EBF1: variants seen among roughly 807,000 people sequenced by gnomAD.
EBF1 encodes the protein EBF transcription factor 1, also known as transcription factor COE1.
Under a neutral mutation model 68.4 loss-of-function variants are expected in EBF1, and 10 were observed. The observed-to-expected ratio is 0.15, with a 90% CI of 0.09 to 0.25. EBF1 has a LOEUF of 0.25. Among genes scored for constraint, EBF1 ranks in the 10% least tolerant of loss-of-function variants. EBF1 has a pLI of 1.00. For synonymous variants in EBF1, 298 were observed against 299.8 expected (o/e 0.99, Z 0.06); for missense variants, 509 against 794.4 (o/e 0.64, Z 4.32).
At chr5:158,983,699 G>C (rs950388366) in intron 6 of EBF1, 4 of 152,180 alleles carry the variant, frequency 2.6e-5, no homozygotes, top group Non-Finnish European at 4.4e-5. Context: ...TATGAAGCAA[G>C]TGTTTCAATT....
At chr5:158,749,850 G>A (rs1359347770) in intron 10 of EBF1, among the ~76,000 whole-genome samples, 1 of 152,038 alleles carries the variant, frequency 6.6e-6, no homozygotes, top group Non-Finnish European at 1.5e-5. Flanking sequence ...AGAGGTCTGG[G>A]CAAGGTAAAC....
chr5:158,961,626 A>G (rs990756218), intron 6 of EBF1, among the ~76,000 whole-genome samples: 2 of 152,212 alleles, frequency 1.3e-5, no homozygotes, highest in African/African-American at 4.8e-5. Flanking sequence ...GATTTTTCCA[A>G]ATTTTTGGAT....
At chr5:158,916,724 A>G (rs1029930250) in intron 6 of EBF1, among the ~76,000 whole-genome samples, 5 of 152,174 alleles carry the variant, frequency 3.3e-5, no homozygotes, top group African/African-American at 1.2e-4. Context: ...GTGTGCTTCA[A>G]TGCTGGCCAA....
chr5:158,887,845 G>C (rs1026097354), intron 6 of EBF1, among the ~76,000 whole-genome samples: 6 of 152,206 alleles, frequency 3.9e-5, no homozygotes, highest in Admixed American at 3.9e-4. Flanking sequence ...TCATGTTTAT[G>C]ATTCAAAGAG....
chr5:159,018,436 G>T (rs1766034130), intron 6 of EBF1, among the ~76,000 whole-genome samples: 1 of 152,176 alleles, frequency 6.6e-6, no homozygotes, highest in African/African-American at 2.4e-5. Context: ...TATATACAAA[G>T]GTCTGATCAC....
intron 7 of EBF1, among the ~76,000 whole-genome samples, chr5:158,826,406 A>G (rs970420715): frequency 4.4e-4 from 67 of 152,354 alleles, no homozygotes; most frequent in African/African-American, 1.6e-3. Context: ...TCATAGCCAT[A>G]GGCGACTATT....
At chr5:159,067,196 T>C (rs1457088314) in intron 6 of EBF1, among the ~76,000 whole-genome samples, 1 of 152,206 alleles carries the variant, frequency 6.6e-6, no homozygotes, top group Non-Finnish European at 1.5e-5. Context: ...AGTAAAAGCA[T>C]GTTTAATATA....
chr5:158,972,671 T>C (rs1037867506), intron 6 of EBF1, among the ~76,000 whole-genome samples: 2 of 152,198 alleles, frequency 1.3e-5, no homozygotes, highest in Non-Finnish European at 2.9e-5. Flanking sequence ...CTTCTTCTCA[T>C]CTATTTGTCC....
At chr5:159,082,803 C>T (rs1344249097) in intron 5 of EBF1, among the ~76,000 whole-genome samples, 1 of 152,170 alleles carries the variant, frequency 6.6e-6, no homozygotes, top group Non-Finnish European at 1.5e-5. Flanking sequence ...TCCCTCTTAG[C>T]CACGCAGTAC....
intron 6 of EBF1, among the ~76,000 whole-genome samples, chr5:158,950,595 G>A (rs879489783): frequency 6.6e-6 from 1 of 152,202 alleles, no homozygotes. Context: ...GCCCCGTTCT[G>A]AGGACCATGC....
intron 8 of EBF1, among the ~76,000 whole-genome samples, chr5:158,818,798 T>C (rs187703963): frequency 1.5e-4 from 23 of 152,196 alleles, no homozygotes; most frequent in Admixed American, 1.4e-3. Flanking sequence ...CTATCTTCAA[T>C]CTAAAAAAAT....
Position 158,712,998 on chromosome 5 carries a change from G to A in EBF1, c.1341C>T (p.Val447=). The change falls in exon 13 of 16, where the codon GTC becomes GTT. Residue 447 remains valine, a synonymous_variant. Coordinates refer to ENST00000313708, the MANE Select transcript of EBF1 (RefSeq NM_024007.5). ...GATTGGTGGCTTGTGATGCCTCGGAGACATTCACGGCCAGTTGTCCACTGA... is the reference window on the plus strand; with the variant it reads ...GATTGGTGGCTTGTGATGCCTCGGAAACATTCACGGCCAGTTGTCCACTGA... The part of the protein sequence containing the change: ...NSFSGQLAVN[V]SEASQATNQG... The A allele has an allele frequency of 5.3e-6, 8 of 1,521,722 alleles. No individual in the cohort carries two copies. Among genetic ancestry groups the A allele is most frequent in the South Asian group, 1.3e-5 (1 of 77,286 alleles). 94.3% of individuals were successfully genotyped at this position (1,521,722 alleles called of 1,614,324 possible). A position where few individuals can be genotyped will look rare whatever the true frequency, so the allele number is the denominator to read the frequency against.
chr5:158,969,903 AGAAAG>A (rs1755172766), intron 6 of EBF1, among the ~76,000 whole-genome samples: 3 of 118,408 alleles, frequency 2.5e-5, no homozygotes, highest in East Asian at 2.1e-4. Context: ...AAAGAAAGAA[AGAAAG>A]AAAGAAAGAA....
rs1581120163 is a variant in EBF1 at position 158,699,032 on chromosome 5, C to A, written c.*79G>T. On this transcript the variant is annotated 3_prime_UTR_variant, in exon 16 of 16. Coordinates refer to ENST00000313708, the MANE Select transcript of EBF1 (RefSeq NM_024007.5). ...TTAAAAAGGCCTGAGTTAAAAGTTC[C>A]ACTCTGGGACTTGTATCAGATTACT... 8.8e-6 allele frequency: 12 copies of A among 1,360,410 alleles called. No homozygotes were observed. The East Asian group carries it at 2.7e-4, about 31-fold the overall frequency. The allele number at this position is 1,360,410 out of a possible 1,614,324, so 84.3% of individuals were successfully genotyped here.
intron 6 of EBF1, among the ~76,000 whole-genome samples, chr5:159,049,018 T>G (rs1773003749): frequency 1.3e-5 from 2 of 152,204 alleles, no homozygotes; most frequent in Non-Finnish European, 2.9e-5. Flanking sequence ...GCATCCCAAA[T>G]TATTCATTTT....
chr5:158,774,191 C>T (rs567249579), intron 10 of EBF1, among the ~76,000 whole-genome samples: 157 of 152,162 alleles, frequency 1.0e-3, no homozygotes, highest in Non-Finnish European at 1.8e-3. Flanking sequence ...ATTCCTCGTG[C>T]GTCTCTGGTC....
At chr5:158,777,052 G>T (rs1018917497) in intron 10 of EBF1, among the ~76,000 whole-genome samples, 1 of 152,154 alleles carries the variant, frequency 6.6e-6, no homozygotes, top group Non-Finnish European at 1.5e-5. Flanking sequence ...GAGGAAAGAC[G>T]TACTGTTCAT....
chr5:158,714,066 T>G, intron 12 of EBF1, 51 bp downstream of exon 12: 4 of 1,582,858 alleles, frequency 2.5e-6, no homozygotes, highest in South Asian at 1.1e-5. Context: ...GAATCTGAGA[T>G]CTTTAATTGC....
intron 6 of EBF1, among the ~76,000 whole-genome samples, chr5:158,969,318 G>A (rs1156572762): frequency 3.3e-5 from 5 of 152,092 alleles, no homozygotes; most frequent in Non-Finnish European, 7.4e-5. Flanking sequence ...CCCAAAAGAA[G>A]TGCTCCTCAG....
Sources: gnomAD v4.1 joint callset for allele counts (sites outside exome capture counted in the v4.1 genomes callset) on GRCh38, gnomAD v4.1.1 for gene constraint, MANE v1.5 for transcripts, NCBI Gene and HGNC (gene_info 2026-07-23, HGNC 2026-07-21) for gene names.